Variants in MAP3K2 observed in about 807,000 individuals in gnomAD.
MAP3K2 encodes mitogen-activated protein kinase kinase kinase 2.
MAP3K2 carries 24 observed loss-of-function variants against 80.3 expected under a neutral mutation model. The ratio of observed to expected loss-of-function variants is 0.30; its 90% CI spans 0.22 to 0.42. The LOEUF is 0.42. Ranked by LOEUF, MAP3K2 falls within the 10% of genes least tolerant of loss-of-function variation. MAP3K2 has a pLI of 1.00. For synonymous variants in MAP3K2, 244 were observed against 253.7 expected, an observed-to-expected ratio of 0.96 and a Z score of 0.36; for missense variants, 608 against 750.1, an observed-to-expected ratio of 0.81 and a Z score of 2.21.
In MAP3K2 at chr2:127,318,308, G is replaced by A. The variant is rs1163021322; in HGVS notation, c.1055C>T (p.Ala352Val). 1 of 1,586,116 alleles carries A rather than the reference G, an allele frequency of 6.3e-7. No homozygotes were observed. The highest frequency in any genetic ancestry group is 8.5e-7 in the Non-Finnish European group (1 of 1,170,304). ...DISPPSRSPRAPTNWRLGKLL... is the reference protein window; with the variant it reads ...DISPPSRSPRVPTNWRLGKLL... ...TTTGCCCAATCTCCAGTTGGTCGGAGCTCGAGGTGCTGAAAAAGAACACTT... is the reference window on the plus strand; with the variant it reads ...TTTGCCCAATCTCCAGTTGGTCGGAACTCGAGGTGCTGAAAAAGAACACTT... Residue 352 changes from alanine (A) to valine (V), a missense_variant, in exon 13 of 17, where the codon GCT (alanine) becomes GTT (valine). Around this residue, in one of 4 missense-constraint regions of MAP3K2, gnomAD observed 467 missense variants for 521.9 expected, o/e 0.89. Coordinates refer to ENST00000682094, the MANE Select transcript of MAP3K2 (RefSeq NM_001371910.2).
intron 1 of MAP3K2, among the ~76,000 whole-genome samples, chr2:127,353,908 T>C (rs1183542689): frequency 2.0e-5 from 3 of 151,716 alleles, no homozygotes; most frequent in Non-Finnish European, 2.9e-5. Context: ...AGAAAAATTC[T>C]TCTGCCTTGG....
intron 13 of MAP3K2, 126 bp downstream of exon 13, chr2:127,318,043 A>C: frequency 1.2e-6 from 1 of 805,534 alleles, no homozygotes; most frequent in Non-Finnish European, 1.8e-6. Context: ...TACTAAAGAA[A>C]ACTGCTTTTT....
chr2:127,320,395 A>C (rs1239552478), intron 12 of MAP3K2, among the ~76,000 whole-genome samples: 1 of 152,166 alleles, frequency 6.6e-6, no homozygotes, highest in Non-Finnish European at 1.5e-5. Context: ...CTGAGGAAAG[A>C]ATCAGTGAAC....
chr2:127,385,398 T>C (rs1290147363), intron 1 of MAP3K2, among the ~76,000 whole-genome samples: 1 of 152,202 alleles, frequency 6.6e-6, no homozygotes. Context: ...ATTTTTTAAT[T>C]AAGGTATATA....
At chr2:127,342,388 G>GGGGGGTGTGTGTGTGTGT (rs143219830) in intron 2 of MAP3K2, among the ~76,000 whole-genome samples, 2 of 147,744 alleles carry the variant, frequency 1.4e-5, no homozygotes, top group African/African-American at 5.0e-5. Flanking sequence ...TCTTCATGAG[G>GGGGGGTGTGTGTGTGTGT]GTGTGTGTGT....
chr2:127,318,246 A>G lies in MAP3K2; in HGVS notation c.1117T>C (p.Cys373Arg). 6.2e-7 allele frequency: 1 copy of G among 1,612,316 alleles called. No individual in the cohort carries two copies. Among genetic ancestry groups the G allele is most frequent in the South Asian group, 1.1e-5 (1 of 90,728 alleles). The change falls in exon 13 of 17, where the codon TGT (cysteine) becomes CGT (arginine). Residue 373 changes from cysteine to arginine, a missense_variant. Physicochemically the swap from Cys to Arg is radical, Grantham distance 180 (BLOSUM62 -3). This residue lies in a region of MAP3K2 where 467 missense variants were observed against 521.9 expected (regional missense o/e 0.89). Transcript: ENST00000682094. ...TCTCTTCCTGTATCAACATCATAAC[A>G]GAGGTAGACCCTTCCAAAGGCTCCT... Reference protein sequence around the residue: ...GQGAFGRVYLCYDVDTGRELA... With the variant: ...GQGAFGRVYLRYDVDTGRELA...
At chr2:127,365,925 T>TA (rs1686963242) in intron 1 of MAP3K2, among the ~76,000 whole-genome samples, 3 of 152,210 alleles carry the variant, frequency 2.0e-5, no homozygotes. Flanking sequence ...ATTGAGCCCT[T>TA]AAATGATTCA....
intron 1 of MAP3K2, among the ~76,000 whole-genome samples, chr2:127,344,206 C>T (rs1686553108): frequency 6.6e-6 from 1 of 152,196 alleles, no homozygotes. Flanking sequence ...GGCAGATGCA[C>T]AACTCAGTTT....
At chr2:127,320,906 G>C (rs544349236) in intron 12 of MAP3K2, among the ~76,000 whole-genome samples, 9 of 152,232 alleles carry the variant, frequency 5.9e-5, no homozygotes, top group Non-Finnish European at 1.2e-4. Flanking sequence ...ATCAGCTTAA[G>C]CCCAAGAGTT....
chr2:127,377,823 G>A (rs949229576), intron 1 of MAP3K2, among the ~76,000 whole-genome samples: 3 of 152,110 alleles, frequency 2.0e-5, no homozygotes, highest in Non-Finnish European at 4.4e-5. Context: ...TGAGATGCAA[G>A]ACAAAGACAA....
At chr2:127,330,685 A>G (rs1686239326) in intron 5 of MAP3K2, among the ~76,000 whole-genome samples, 180 bp from the exon 6 acceptor site, 1 of 152,230 alleles carries the variant, frequency 6.6e-6, no homozygotes, top group African/African-American at 2.4e-5. Context: ...CGCCACTAAA[A>G]TCTTAGAATG....
chr2:127,354,266 T>A, intron 1 of MAP3K2, among the ~76,000 whole-genome samples: 1 of 146,806 alleles, frequency 6.8e-6, no homozygotes, highest in Non-Finnish European at 1.5e-5. Flanking sequence ...AGAAATATCA[T>A]TTGAAAAAAA....
intron 3 of MAP3K2, 133 bp downstream of exon 3, chr2:127,338,799 G>A (rs564774966): frequency 3.1e-5 from 20 of 639,858 alleles, no homozygotes; most frequent in South Asian, 6.6e-5. Flanking sequence ...ACTCTTACAC[G>A]AAAATGTGTA....
chr2:127,383,874 ATT>A (rs111243354), intron 1 of MAP3K2, among the ~76,000 whole-genome samples: 3 of 141,346 alleles, frequency 2.1e-5, no homozygotes. Context: ...GCAACAAATA[ATT>A]TTTTTTTTTT....
intron 1 of MAP3K2, among the ~76,000 whole-genome samples, chr2:127,347,619 T>A (rs1686618920): frequency 6.6e-6 from 1 of 152,112 alleles, no homozygotes; most frequent in Non-Finnish European, 1.5e-5. Context: ...AGACATCCCA[T>A]ATTCATGAAT....
chr2:127,346,409 TTAAAAAAAAA>T (rs967886449), intron 1 of MAP3K2, among the ~76,000 whole-genome samples: 5 of 85,360 alleles, frequency 5.9e-5, no homozygotes, highest in African/African-American at 1.6e-4. Flanking sequence ...AAAACTGGTT[TTAAAAAAAAA>T]AAAAAAAAAA....
At chr2:127,381,702 C>G (rs1487151990) in intron 1 of MAP3K2, among the ~76,000 whole-genome samples, 1 of 152,182 alleles carries the variant, frequency 6.6e-6, no homozygotes, top group Admixed American at 6.5e-5. Flanking sequence ...ATATACCTCA[C>G]CTTACTCCTC....
At position 127,360,607 on chromosome 2, in the gene MAP3K2, T is replaced by C. The variant is rs574972983; in HGVS notation, c.-65-17413A>G. Among the ~76,000 whole-genome samples, 37 of 152,330 alleles carry C rather than the reference T, an allele frequency of 2.4e-4. No homozygotes were observed. The South Asian group carries it at 7.7e-3, about 32-fold the overall frequency. On this transcript the variant is annotated intron_variant, in intron 1 of 16. Transcript: ENST00000682094. ...TGTATGTTAATTATCTCAAGTTATT[T>C]TACAAAATTATTCTTTAATGCTACT...
intron 15 of MAP3K2, among the ~76,000 whole-genome samples, chr2:127,311,929 G>A (rs1268047150): frequency 1.3e-5 from 2 of 151,996 alleles, no homozygotes; most frequent in African/African-American, 4.8e-5. Flanking sequence ...TAAGTTGTTT[G>A]CCTATAGCTT....
Sources: gnomAD v4.1 joint callset for allele counts (sites outside exome capture counted in the v4.1 genomes callset) on GRCh38, gnomAD v4.1.1 for gene constraint, gnomAD v4.1.1 regional missense constraint, MANE v1.5 for transcripts, NCBI Gene and HGNC (gene_info 2026-07-23, HGNC 2026-07-21) for gene names.